Variants in SGCZ observed in about 807,000 individuals in gnomAD.
The protein encoded by SGCZ is zeta-sarcoglycan.
In SGCZ, 40 loss-of-function variants were observed where a neutral mutation model predicts 41.3. The ratio of observed to expected loss-of-function variants is 0.97; its 90% CI spans 0.75 to 1.26. The LOEUF (loss-of-function observed/expected upper bound fraction) is 1.26, where lower values mean the gene tolerates loss of function less well. SGCZ is among the 50% of genes most tolerant of loss of function. SGCZ has a pLI of 0.00. For synonymous variants in SGCZ, 206 were observed against 137.5 expected (o/e 1.50, Z -3.49); for missense variants, 552 against 369.8 (o/e 1.49, Z -4.04).
chr8:14,131,627 C>G (rs1006688902), intron 5 of SGCZ, among the ~76,000 whole-genome samples: 1 of 152,036 alleles, frequency 6.6e-6, no homozygotes, highest in Non-Finnish European at 1.5e-5. Context: ...TCAGTTTATC[C>G]TACATCATGT....
intron 2 of SGCZ, among the ~76,000 whole-genome samples, chr8:14,357,515 C>T (rs1803340722): frequency 6.6e-6 from 1 of 152,072 alleles, no homozygotes; most frequent in African/African-American, 2.4e-5. Context: ...ATATGCTGTA[C>T]CTTTGAATTG....
At chr8:14,248,353 T>C (rs1799176993) in intron 3 of SGCZ, among the ~76,000 whole-genome samples, 1 of 152,192 alleles carries the variant, frequency 6.6e-6, no homozygotes, top group African/African-American at 2.4e-5. Flanking sequence ...ATGATGATGG[T>C]GATGACGATG....
intron 1 of SGCZ, among the ~76,000 whole-genome samples, chr8:15,087,253 C>G (rs1805983865): frequency 6.6e-6 from 1 of 152,030 alleles, no homozygotes; most frequent in Non-Finnish European, 1.5e-5. Context: ...CCAAAATCTA[C>G]TACAGTAGAT....
chr8:14,975,465 G>A (rs183026988), intron 1 of SGCZ, among the ~76,000 whole-genome samples: 25 of 152,284 alleles, frequency 1.6e-4, no homozygotes, highest in Admixed American at 8.5e-4. Context: ...TGAAAGATAT[G>A]TAGGCTTCCA....
chr8:14,498,066 G>A (rs1802043655), intron 2 of SGCZ, among the ~76,000 whole-genome samples: 1 of 152,128 alleles, frequency 6.6e-6, no homozygotes, highest in Non-Finnish European at 1.5e-5. Flanking sequence ...TTGTCAGAGT[G>A]CTGATATCAT....
chr8:14,663,692 C>A (rs17119972), intron 1 of SGCZ, among the ~76,000 whole-genome samples: 4,214 of 152,226 alleles, frequency 0.028, 86 homozygotes, highest in South Asian at 0.1. Flanking sequence ...TAGCCTTCAA[C>A]TGATTAAACG....
chr8:14,813,540 G>C (rs1244660624), intron 1 of SGCZ, among the ~76,000 whole-genome samples: 3 of 152,228 alleles, frequency 2.0e-5, no homozygotes, highest in Admixed American at 1.3e-4. Context: ...AGGGAAAATC[G>C]TAATACACAC....
At chr8:14,809,115 G>A (rs1167563237) in intron 1 of SGCZ, among the ~76,000 whole-genome samples, 4 of 151,892 alleles carry the variant, frequency 2.6e-5, no homozygotes, top group Non-Finnish European at 5.9e-5. Context: ...AGCATTGGGA[G>A]ATATACCTAA....
chr8:14,282,290 T>C (rs556718955), intron 3 of SGCZ, among the ~76,000 whole-genome samples: 1 of 152,234 alleles, frequency 6.6e-6, no homozygotes, highest in African/African-American at 2.4e-5. Flanking sequence ...GAGTCAGGGG[T>C]AGATTAGATA....
chr8:14,458,674 G>T (rs1800816626), intron 2 of SGCZ, among the ~76,000 whole-genome samples: 1 of 152,044 alleles, frequency 6.6e-6, no homozygotes, highest in African/African-American at 2.4e-5. Context: ...GCAACATATG[G>T]AGTAGTATCT....
chr8:14,661,973 C>A (rs10503507), intron 1 of SGCZ, among the ~76,000 whole-genome samples: 52,189 of 151,890 alleles, frequency 0.34, 11,648 homozygotes, highest in African/African-American at 0.64. Flanking sequence ...GCTTATTATT[C>A]ATTTACTGAA....
At chr8:15,011,606 C>A (rs11203675) in intron 1 of SGCZ, among the ~76,000 whole-genome samples, 135,370 of 152,198 alleles carry the variant, frequency 0.89, 60,693 homozygotes, top group Non-Finnish European at 0.95. Context: ...AAATTATTAA[C>A]TCCCAGACTA....
intron 2 of SGCZ, among the ~76,000 whole-genome samples, chr8:14,389,975 G>A (rs921774557): frequency 3.3e-5 from 5 of 151,886 alleles, no homozygotes; most frequent in Non-Finnish European, 5.9e-5. Flanking sequence ...GAAGACGGGG[G>A]ATTTTTGTAA....
At chr8:15,008,631 A>G in intron 1 of SGCZ, among the ~76,000 whole-genome samples, 1 of 90,498 alleles carries the variant, frequency 1.1e-5, no homozygotes, top group Non-Finnish European at 2.1e-5. Context: ...GATGGGAGGG[A>G]AGGAAGGAGG....
intron 1 of SGCZ, among the ~76,000 whole-genome samples, chr8:14,601,761 T>A (rs1282900287): frequency 2.0e-5 from 3 of 152,212 alleles, no homozygotes; most frequent in Non-Finnish European, 4.4e-5. Context: ...AAAACTGGCA[T>A]TTCTTTTTTG....
chr8:14,638,797 T>G (rs1017904284), intron 1 of SGCZ, among the ~76,000 whole-genome samples: 3 of 151,806 alleles, frequency 2.0e-5, no homozygotes, highest in African/African-American at 7.2e-5. Flanking sequence ...CTCCCTCAGG[T>G]GCACTACATT....
chr8:14,550,849 T>G (rs991108094), intron 2 of SGCZ, among the ~76,000 whole-genome samples: 1 of 152,030 alleles, frequency 6.6e-6, no homozygotes. Flanking sequence ...TAAAATGATC[T>G]CTTGTAATGT....
intron 1 of SGCZ, among the ~76,000 whole-genome samples, chr8:14,599,719 C>T (rs1310813181): frequency 6.6e-6 from 1 of 152,196 alleles, no homozygotes; most frequent in Admixed American, 6.5e-5. Context: ...CTCTCTAAAA[C>T]AAACTCCTCT....
At chr8:14,481,661 T>A (rs1170121378) in intron 2 of SGCZ, among the ~76,000 whole-genome samples, 2 of 152,140 alleles carry the variant, frequency 1.3e-5, no homozygotes, top group African/African-American at 4.8e-5. Context: ...GGAGTTTTTT[T>A]ATTAATATTT....
Sources: gnomAD v4.1 joint callset for allele counts (sites outside exome capture counted in the v4.1 genomes callset) on GRCh38, gnomAD v4.1.1 for gene constraint, MANE v1.5 for transcripts, NCBI Gene and HGNC (gene_info 2026-07-23, HGNC 2026-07-21) for gene names.